The following CALCR variants were observed in gnomAD, a reference collection of about 807,000 sequenced individuals.
CALCR encodes calcitonin receptor.
CALCR carries 47 observed loss-of-function variants against 59.5 expected under a neutral mutation model. The observed-to-expected ratio is 0.79, with a 90% CI of 0.63 to 1.01. The LOEUF is 1.01. Among genes scored for constraint, CALCR ranks in the 50% least tolerant of loss-of-function variants. CALCR has a pLI of 0.00. For synonymous variants in CALCR, 213 were observed against 211.3 expected, an observed-to-expected ratio of 1.01 and a Z score of -0.07; for missense variants, 566 against 597.1, an observed-to-expected ratio of 0.95 and a Z score of 0.54.
intron 9 of CALCR, among the ~76,000 whole-genome samples, chr7:93,439,525 C>A (rs1457584318): frequency 6.6e-6 from 1 of 151,978 alleles, no homozygotes; most frequent in African/African-American, 2.4e-5. Flanking sequence ...GAGTATAGAC[C>A]CCACACCTTT....
chr7:93,487,877 G>T (rs1800984125), intron 2 of CALCR, among the ~76,000 whole-genome samples: 1 of 151,322 alleles, frequency 6.6e-6, no homozygotes, highest in East Asian at 2.0e-4. Flanking sequence ...AGCAAGACTG[G>T]CCAACATGCA....
At chr7:93,569,393 C>A (rs1468190742) in intron 2 of CALCR, among the ~76,000 whole-genome samples, 1 of 152,106 alleles carries the variant, frequency 6.6e-6, no homozygotes. Flanking sequence ...TGTGGTTTCC[C>A]CAAGTCACCA....
At chr7:93,517,317 A>ATCTTTTTT (rs1554404282) in intron 2 of CALCR, among the ~76,000 whole-genome samples, 13 of 127,772 alleles carry the variant, frequency 1.0e-4, no homozygotes, top group African/African-American at 3.2e-4. Flanking sequence ...TTTTTTTTTA[A>ATCTTTTTT]TTTGCTAGCC....
At chr7:93,565,181 G>A (rs1789836560) in intron 2 of CALCR, among the ~76,000 whole-genome samples, 1 of 152,188 alleles carries the variant, frequency 6.6e-6, no homozygotes, top group Non-Finnish European at 1.5e-5. Context: ...TCAGAAGGCT[G>A]GAGTTTTCAT....
At chr7:93,434,506 G>T (rs760073941) in intron 12 of CALCR, among the ~76,000 whole-genome samples, 19 of 151,790 alleles carry the variant, frequency 1.3e-4, no homozygotes, top group Non-Finnish European at 1.8e-4. Context: ...TGGCTAGAAG[G>T]ACGGATTAAT....
intron 2 of CALCR, among the ~76,000 whole-genome samples, chr7:93,555,049 C>A (rs745935249): frequency 1.5e-4 from 23 of 151,882 alleles, no homozygotes; most frequent in South Asian, 2.1e-4. Flanking sequence ...GGGTACTGAC[C>A]CCACTGAGGG....
rs76197957 is a variant in CALCR at position 93,453,801 on chromosome 7, G to A, written c.648+7020C>T. On this transcript the variant is annotated intron_variant, in intron 8 of 13. Coordinates refer to ENST00000426151, the MANE Select transcript of CALCR (RefSeq NM_001742.4). ...TAGGAAGAGATTCTCCTTCAAATCCGTATGAGAAAGCATCCAATTATAAAT... is the reference window on the plus strand; with the variant it reads ...TAGGAAGAGATTCTCCTTCAAATCCATATGAGAAAGCATCCAATTATAAAT... 7.1e-3 allele frequency among the ~76,000 whole-genome samples: 1,078 copies of A among 151,902 alleles called. 7 individuals are homozygous for A. The highest frequency in any genetic ancestry group is 0.024 in the African/African-American group (1,007 of 41,438).
chr7:93,547,252 C>G (rs1220138073), intron 2 of CALCR, among the ~76,000 whole-genome samples: 3 of 152,004 alleles, frequency 2.0e-5, no homozygotes, highest in Non-Finnish European at 4.4e-5. Flanking sequence ...GATCACAGTC[C>G]CCTTTATAGT....
chr7:93,561,384 A>G (rs187316988), intron 2 of CALCR, among the ~76,000 whole-genome samples: 61 of 152,256 alleles, frequency 4.0e-4, no homozygotes, highest in African/African-American at 1.4e-3. Flanking sequence ...GGACACTCTT[A>G]CAGAAGTTGC....
intron 2 of CALCR, among the ~76,000 whole-genome samples, chr7:93,543,965 G>C (rs999475007): frequency 6.6e-5 from 10 of 151,514 alleles, no homozygotes; most frequent in African/African-American, 2.2e-4. Flanking sequence ...TTATATTTCA[G>C]TAGAAATTAA....
Position 93,450,498 on chromosome 7 carries a change from T to C in CALCR, c.649-6741A>G, listed in dbSNP as rs562920830. 2.0e-5 allele frequency among the ~76,000 whole-genome samples: 3 copies of C among 152,112 alleles called. No individual in the cohort carries two copies. In the East Asian group the frequency reaches 5.8e-4, roughly 30 times the overall value. On this transcript the variant is annotated intron_variant, in intron 8 of 13. Coordinates refer to ENST00000426151, the MANE Select transcript of CALCR (RefSeq NM_001742.4). ...CCCCTCTTCTCTGACTCTTTTCTTTTTGAGATTTATTTCCTTCACTTTTGG... is the reference window on the plus strand; with the variant it reads ...CCCCTCTTCTCTGACTCTTTTCTTTCTGAGATTTATTTCCTTCACTTTTGG...
At chr7:93,568,924 A>G (rs570350460) in intron 2 of CALCR, among the ~76,000 whole-genome samples, 2 of 152,170 alleles carry the variant, frequency 1.3e-5, no homozygotes, top group East Asian at 1.9e-4. Flanking sequence ...GCCTGTCCAA[A>G]ATACTCCTTG....
intron 2 of CALCR, among the ~76,000 whole-genome samples, chr7:93,548,894 G>T (rs1166797909): frequency 6.7e-6 from 1 of 148,458 alleles, no homozygotes; most frequent in Non-Finnish European, 1.5e-5. Flanking sequence ...GTGTGTGTAT[G>T]AATTTCAAGT....
At position 93,574,492 on chromosome 7, in the gene CALCR, G is replaced by C. The variant is rs1790077406; in HGVS notation, c.-230C>G. The C allele has an allele frequency of 6.6e-6, 1 of 152,188 alleles. No homozygotes were observed. Among genetic ancestry groups the C allele is most frequent in the Non-Finnish European group, 1.5e-5 (1 of 68,048 alleles). 9.4% of individuals were successfully genotyped at this position (152,188 alleles called of 1,614,324 possible). On this transcript the variant is annotated 5_prime_UTR_variant, in exon 2 of 14. Transcript: ENST00000426151. ...GCGCGGCGCAGCCCACCCAGACGCTGGTGGGCTGGCTTTCCTAGTTTGATG... is the reference window on the plus strand; with the variant it reads ...GCGCGGCGCAGCCCACCCAGACGCTCGTGGGCTGGCTTTCCTAGTTTGATG...
chr7:93,481,020 C>T (rs143455480), intron 3 of CALCR, among the ~76,000 whole-genome samples: 1 of 151,786 alleles, frequency 6.6e-6, no homozygotes, highest in Non-Finnish European at 1.5e-5. Context: ...CTTGTTTTGT[C>T]ACTTTGAGCA....
At chr7:93,572,255 G>A (rs540777416) in intron 2 of CALCR, among the ~76,000 whole-genome samples, 28 of 151,822 alleles carry the variant, frequency 1.8e-4, no homozygotes, top group Non-Finnish European at 3.7e-4. Context: ...TTTGACCAGC[G>A]ATATAACAAA....
chr7:93,542,365 C>T (rs2116189028), intron 2 of CALCR, among the ~76,000 whole-genome samples: 1 of 152,238 alleles, frequency 6.6e-6, no homozygotes, highest in East Asian at 1.9e-4. Flanking sequence ...AGAAAAGATA[C>T]AGTAGAAATA....
At chr7:93,567,802 TC>T (rs1267665542) in intron 2 of CALCR, among the ~76,000 whole-genome samples, 2 of 152,078 alleles carry the variant, frequency 1.3e-5, no homozygotes, top group Non-Finnish European at 2.9e-5. Flanking sequence ...CATGCCACTG[TC>T]CTTGTGATAG....
At chr7:93,531,211 T>C (rs1788824560) in intron 2 of CALCR, among the ~76,000 whole-genome samples, 1 of 152,168 alleles carries the variant, frequency 6.6e-6, no homozygotes, top group African/African-American at 2.4e-5. Context: ...AGAATTAATG[T>C]AATTTAATTA....
Sources: gnomAD v4.1 joint callset for allele counts (sites outside exome capture counted in the v4.1 genomes callset) on GRCh38, gnomAD v4.1.1 for gene constraint, MANE v1.5 for transcripts, NCBI Gene and HGNC (gene_info 2026-07-23, HGNC 2026-07-21) for gene names.